KCNK10: variants seen among roughly 807,000 people sequenced by gnomAD.
The protein encoded by KCNK10 is potassium two pore domain channel subfamily K member 10.
A neutral mutation model predicts 47.7 loss-of-function variants in KCNK10; 25 were observed. The ratio of observed to expected loss-of-function variants is 0.52; its 90% CI spans 0.38 to 0.73. The LOEUF (loss-of-function observed/expected upper bound fraction) is 0.73, where lower values mean the gene tolerates loss of function less well. Among genes scored for constraint, KCNK10 ranks in the 30% least tolerant of loss-of-function variants. The pLI, the probability that KCNK10 is intolerant of heterozygous loss-of-function variation, is 0.00. For missense variants in KCNK10, 563 were observed against 714.5 expected (o/e 0.79, Z 2.42); for synonymous variants, 303 against 285.6 (o/e 1.06, Z -0.61).
In KCNK10 at chr14:88,211,756, C is replaced by T. The variant is rs983816785; in HGVS notation, c.681+15619G>A. On this transcript the variant is annotated intron_variant, in intron 4 of 6. Coordinates refer to ENST00000319231, the MANE Select transcript of KCNK10 (RefSeq NM_138317.3). ...ACTAAAAATACAAAAATTAGCCAGG[C>T]GCAGTGGCAGGTGCCTGTAATCCCA... 1.3e-4 allele frequency among the ~76,000 whole-genome samples: 20 copies of T among 151,912 alleles called. 1 individual carries two copies. Among genetic ancestry groups the T allele is most frequent in the Non-Finnish European group, 2.2e-4 (15 of 67,966 alleles).
chr14:88,197,387 C>T (rs1884946770), intron 4 of KCNK10, among the ~76,000 whole-genome samples: 1 of 151,834 alleles, frequency 6.6e-6, no homozygotes, highest in Admixed American at 6.6e-5. Context: ...GCCTGGCCAA[C>T]ATGGGGAAAC....
At chr14:88,259,179 G>A (rs1239521707) in intron 2 of KCNK10, among the ~76,000 whole-genome samples, 6 of 152,210 alleles carry the variant, frequency 3.9e-5, no homozygotes, top group African/African-American at 1.4e-4. Flanking sequence ...GGCATAAAGT[G>A]TGAGAAAGCT....
At chr14:88,212,312 T>C (rs1885488480) in intron 4 of KCNK10, among the ~76,000 whole-genome samples, 1 of 151,716 alleles carries the variant, frequency 6.6e-6, no homozygotes, top group Non-Finnish European at 1.5e-5. Flanking sequence ...TGGTGACACA[T>C]GCCTGTAGTC....
intron 1 of KCNK10, among the ~76,000 whole-genome samples, chr14:88,280,107 A>G (rs1180684020): frequency 6.6e-6 from 1 of 152,102 alleles, no homozygotes; most frequent in Non-Finnish European, 1.5e-5. Context: ...TACCCATCCT[A>G]AAACTGCATA....
At chr14:88,283,195 A>C (rs1363859218) in intron 1 of KCNK10, among the ~76,000 whole-genome samples, 4 of 152,252 alleles carry the variant, frequency 2.6e-5, no homozygotes, top group Non-Finnish European at 5.9e-5. Context: ...AACTGGGAAC[A>C]AAGATCACGA....
At chr14:88,312,055 C>A (rs1023351910) in intron 1 of KCNK10, among the ~76,000 whole-genome samples, 2 of 152,118 alleles carry the variant, frequency 1.3e-5, no homozygotes, top group Non-Finnish European at 2.9e-5. Flanking sequence ...CCTGTCTTTG[C>A]CATTTTGTGC....
chr14:88,262,393 T>C (rs966212919), intron 2 of KCNK10, among the ~76,000 whole-genome samples: 6 of 152,248 alleles, frequency 3.9e-5, no homozygotes, highest in African/African-American at 1.4e-4. Context: ...GGGAACTGCT[T>C]TTCTCTCTGG....
At position 88,180,360 on chromosome 14, in the gene KCNK10, CATT is replaced by C. The variant is rs1289591269; in HGVS notation, c.*5172_*5174del. On this transcript the variant is annotated 3_prime_UTR_variant, in exon 7 of 7. Transcript: ENST00000319231. ...ACACCTCCACACATGGATTTATCAT[CATT>C]GTCACTGGGTCCCCTGTCTGTGACT... 3.8e-5 allele frequency: 6 copies of C among 157,546 alleles called. No individual in the cohort carries two copies. The highest frequency in any genetic ancestry group is 2.1e-4 in the South Asian group (1 of 4,848). 9.8% of individuals were successfully genotyped at this position (157,546 alleles called of 1,614,324 possible). A position where few individuals can be genotyped will look rare whatever the true frequency, so the allele number is the denominator to read the frequency against.
In KCNK10 at chr14:88,252,768, C is replaced by A. The variant is rs1886836322; in HGVS notation, c.402+10434G>T. Among the ~76,000 whole-genome samples the A allele has an allele frequency of 2.6e-5, 4 of 152,334 alleles. No individual in the cohort carries two copies. The South Asian group carries it at 8.3e-4, about 32-fold the overall frequency. ...AGTCAGTAAGCCAGAGGCCAACAAT[C>A]TGGCACCCCAGCCTTGTCATGCAGG... is the stretch of plus-strand genomic sequence containing the variant. On this transcript the variant is annotated intron_variant, in intron 2 of 6. Coordinates refer to ENST00000319231, the MANE Select transcript of KCNK10 (RefSeq NM_138317.3).
chr14:88,309,649 C>G (rs1888271381), intron 1 of KCNK10, among the ~76,000 whole-genome samples: 1 of 152,042 alleles, frequency 6.6e-6, no homozygotes. Flanking sequence ...GCCCCAACAC[C>G]CGTTGGCATT....
chr14:88,292,151 C>CT (rs1196745639), intron 1 of KCNK10, among the ~76,000 whole-genome samples: 1 of 152,182 alleles, frequency 6.6e-6, no homozygotes, highest in Non-Finnish European at 1.5e-5. Flanking sequence ...GTAAAACACC[C>CT]TTGCTTTCTA....
At chr14:88,242,287 T>A (rs887851719) in intron 2 of KCNK10, among the ~76,000 whole-genome samples, 1 of 152,228 alleles carries the variant, frequency 6.6e-6, no homozygotes, top group Non-Finnish European at 1.5e-5. Context: ...GAACCAGGGA[T>A]CAACAACTTT....
chr14:88,322,469 C>A lies in KCNK10; in HGVS notation c.52+278G>T, dbSNP rs971454003. 6.6e-6 allele frequency among the ~76,000 whole-genome samples: 1 copy of A among 151,832 alleles called. No individual in the cohort carries two copies. The highest frequency in any genetic ancestry group is 1.5e-5 in the Non-Finnish European group (1 of 67,994). On this transcript the variant is annotated intron_variant, in intron 1 of 6. Transcript: ENST00000319231. The surrounding 1 kb of genome is among the most constrained non-coding windows in gnomAD (Gnocchi z 4.8). ...CACACTCAAAGTCAAAAGCAAATAC[C>A]GACACTTGCAATTTCAAACCAAACA...
At chr14:88,289,601 A>C (rs1472948745) in intron 1 of KCNK10, among the ~76,000 whole-genome samples, 2 of 152,208 alleles carry the variant, frequency 1.3e-5, no homozygotes, top group Non-Finnish European at 2.9e-5. Context: ...GCCAATCTTT[A>C]GCTACACACA....
At chr14:88,187,037 C>A (rs454401) in intron 6 of KCNK10, among the ~76,000 whole-genome samples, 3 of 152,022 alleles carry the variant, frequency 2.0e-5, no homozygotes, top group South Asian at 2.1e-4. Flanking sequence ...ATGTTGTTCC[C>A]TTCTCTTTTG....
chr14:88,262,429 A>G (rs993627928), intron 2 of KCNK10, among the ~76,000 whole-genome samples: 2 of 151,964 alleles, frequency 1.3e-5, no homozygotes, highest in African/African-American at 4.8e-5. Context: ...AACCCTCCTG[A>G]TCCAGTCCCT....
At chr14:88,292,864 T>C (rs1198844721) in intron 1 of KCNK10, among the ~76,000 whole-genome samples, 1 of 151,972 alleles carries the variant, frequency 6.6e-6, no homozygotes, top group Non-Finnish European at 1.5e-5. Flanking sequence ...GCTCAAGCGA[T>C]GGCCTGCCTC....
chr14:88,252,711 A>C (rs1251733189), intron 2 of KCNK10, among the ~76,000 whole-genome samples: 1 of 152,196 alleles, frequency 6.6e-6, no homozygotes, highest in Admixed American at 6.5e-5. Flanking sequence ...AACATGGTAG[A>C]GTCAGGCCCA....
At position 88,183,453 on chromosome 14, in the gene KCNK10, T is replaced by G. The variant is rs1884435038; in HGVS notation, c.*2082A>C. 6.6e-6 allele frequency: 1 copy of G among 152,412 alleles called. No individual in the cohort carries two copies. The highest frequency in any genetic ancestry group is 2.4e-5 in the African/African-American group (1 of 41,474). 9.4% of individuals were successfully genotyped at this position (152,412 alleles called of 1,614,324 possible). The stretch of plus-strand genomic sequence containing the variant: ...GACAGTTTAATTAGGAAGCTTCGAC[T>G]TGTTAGAATAACAGAGGAAGTCCCA... On this transcript the variant is annotated 3_prime_UTR_variant, in exon 7 of 7. Transcript: ENST00000319231.
Sources: allele counts gnomAD v4.1 joint callset (sites outside exome capture counted in the v4.1 genomes callset), GRCh38; gene constraint gnomAD v4.1.1; non-coding constraint Gnocchi (gnomAD v3.1); transcripts MANE v1.5; gene names NCBI Gene and HGNC (gene_info 2026-07-23, HGNC 2026-07-21).